Variants in GRIN3A observed in about 807,000 individuals in gnomAD.
GRIN3A encodes glutamate receptor ionotropic, NMDA 3A.
A neutral mutation model predicts 92.4 loss-of-function variants in GRIN3A; 47 were observed. The observed-to-expected ratio is 0.51, with a 90% CI of 0.40 to 0.65. GRIN3A has a LOEUF of 0.65. GRIN3A is among the 30% of genes least tolerant of loss of function. The pLI is 0.00. For missense variants in GRIN3A, 1,324 were observed against 1,393.1 expected (o/e 0.95, Z 0.79); for synonymous variants, 527 against 540.6 (o/e 0.97, Z 0.35).
chr9:101,645,023 T>C (rs896028931), intron 3 of GRIN3A, among the ~76,000 whole-genome samples: 4 of 151,956 alleles, frequency 2.6e-5, no homozygotes, highest in Non-Finnish European at 5.9e-5. Context: ...CCTAATTTTT[T>C]CTTCTAGCTG....
At chr9:101,624,131 G>T (rs557210123) in intron 4 of GRIN3A, among the ~76,000 whole-genome samples, 2 of 152,236 alleles carry the variant, frequency 1.3e-5, no homozygotes, top group African/African-American at 4.8e-5. Flanking sequence ...AGTCTAATTT[G>T]CTTTTATTGT....
In GRIN3A at chr9:101,670,807, G is replaced by A. The variant is rs143230604; in HGVS notation, c.1605C>T (p.Gly535=). 8.7e-6 allele frequency: 14 copies of A among 1,613,918 alleles called. No homozygotes were observed. In the African/African-American group the frequency reaches 1.1e-4, roughly 12 times the overall value. ...GACAGAGTTGGCCAGCAGGGCACAA[G>A]CCTTCATCATCTACCTCCCTTGTGA... ...FVFTREVDDE[G]LCPAGQLCLD... Residue 535 remains glycine, a synonymous_variant, in exon 3 of 9, where the codon GGC becomes GGT. Transcript: ENST00000361820.
At chr9:101,677,630 G>A (rs1346470895) in intron 2 of GRIN3A, among the ~76,000 whole-genome samples, 13 of 151,470 alleles carry the variant, frequency 8.6e-5, no homozygotes, top group Admixed American at 8.6e-4. Flanking sequence ...GAACCTTTCT[G>A]TACTTGATGG....
chr9:101,573,395 G>A lies in GRIN3A; in HGVS notation c.3127C>T (p.His1043Tyr). Residue 1043 changes from histidine to tyrosine, a missense_variant, in exon 9 of 9, where the codon CAC becomes TAC. By Grantham distance (83) the His-to-Tyr change is moderately conservative. Transcript: ENST00000361820. ...EGQNQLGIRI[H>Y]QDIPLPPRRR... ...CTTGGAGGGAGGGGGATGTCCTGGT[G>A]GATCCGGATGCCCAGCTGGTTTTGT... The A allele has an allele frequency of 1.9e-6, 3 of 1,614,050 alleles. No individual in the cohort carries two copies. Among genetic ancestry groups the A allele is most frequent in the Non-Finnish European group, 2.5e-6 (3 of 1,179,976 alleles).
chr9:101,735,887 C>G (rs1666015189), intron 1 of GRIN3A, among the ~76,000 whole-genome samples: 1 of 147,788 alleles, frequency 6.8e-6, no homozygotes, highest in South Asian at 2.1e-4. Flanking sequence ...CTCTACAGAT[C>G]AAATCTCTGT....
intron 3 of GRIN3A, among the ~76,000 whole-genome samples, chr9:101,655,530 T>C (rs1924032): frequency 0.47 from 71,411 of 151,774 alleles, 17,029 homozygotes; most frequent in Middle Eastern, 0.54. Context: ...GTAAGCATTC[T>C]TATCATTGTA....
intron 5 of GRIN3A, among the ~76,000 whole-genome samples, chr9:101,617,753 C>T (rs955052780): frequency 6.8e-6 from 1 of 147,754 alleles, no homozygotes; most frequent in East Asian, 1.9e-4. Flanking sequence ...ACCCACTACT[C>T]GTCATCTAGC....
rs1827778964 is a variant in GRIN3A at position 101,572,931 on chromosome 9, C to T, written c.*243G>A. ...GTTATCTGGTTATTCACAGATCTCT[C>T]GCACAGAGCTTACTCCTGACTAAGA... On this transcript the variant is annotated 3_prime_UTR_variant, in exon 9 of 9. Coordinates refer to ENST00000361820, the MANE Select transcript of GRIN3A (RefSeq NM_133445.3). 1 of 528,110 alleles carries T rather than the reference C, an allele frequency of 1.9e-6. No individual in the cohort carries two copies. Among genetic ancestry groups the T allele is most frequent in the Non-Finnish European group, 3.4e-6 (1 of 291,392 alleles). 32.7% of individuals were successfully genotyped at this position (528,110 alleles called of 1,614,324 possible). A position where few individuals can be genotyped will look rare whatever the true frequency, so the allele number is the denominator to read the frequency against.
chr9:101,729,813 G>A (rs1348125497), intron 1 of GRIN3A, among the ~76,000 whole-genome samples: 1 of 152,114 alleles, frequency 6.6e-6, no homozygotes, highest in African/African-American at 2.4e-5. Context: ...TTAGATGGAA[G>A]ATCAAGATTT....
chr9:101,705,453 A>C (rs962715334), intron 1 of GRIN3A, among the ~76,000 whole-genome samples: 1 of 152,128 alleles, frequency 6.6e-6, no homozygotes, highest in Admixed American at 6.5e-5. Flanking sequence ...ACTGCTCAAT[A>C]AAGTCTCCAC....
chr9:101,688,916 G>T (rs977541457), intron 1 of GRIN3A, among the ~76,000 whole-genome samples: 1 of 152,128 alleles, frequency 6.6e-6, no homozygotes, highest in Non-Finnish European at 1.5e-5. Flanking sequence ...AAGATCAGAT[G>T]TGAGAGGCAA....
At chr9:101,573,564 G>C (rs1426032764) in intron 8 of GRIN3A, 51 bp from the exon 9 acceptor site, 1 of 1,399,630 alleles carries the variant, frequency 7.1e-7, no homozygotes, top group Non-Finnish European at 1.0e-6. Context: ...AGCTCTCAAG[G>C]TGCTGTCTTC....
chr9:101,737,223 C>G, intron 1 of GRIN3A, 58 bp downstream of exon 1: 1 of 1,432,496 alleles, frequency 7.0e-7, no homozygotes. Context: ...TCCCCTCATG[C>G]AATGGCCCCG....
At chr9:101,617,036 T>C (rs547194250) in intron 5 of GRIN3A, among the ~76,000 whole-genome samples, 82 of 150,484 alleles carry the variant, frequency 5.4e-4, no homozygotes, top group Middle Eastern at 3.4e-3. Context: ...CCGTCTCTAC[T>C]AAAAATACAA....
At chr9:101,651,532 G>A (rs1829014703) in intron 3 of GRIN3A, among the ~76,000 whole-genome samples, 1 of 151,788 alleles carries the variant, frequency 6.6e-6, no homozygotes. Flanking sequence ...ATTTTCTGAG[G>A]ATGAGGATTG....
chr9:101,733,463 C>T (rs1436424410), intron 1 of GRIN3A, among the ~76,000 whole-genome samples: 1 of 152,180 alleles, frequency 6.6e-6, no homozygotes, highest in Non-Finnish European at 1.5e-5. Flanking sequence ...AATTGTTTAT[C>T]TTTAAGTCAG....
At chr9:101,594,509 A>T (rs767251662) in intron 6 of GRIN3A, 6 of 1,614,134 alleles carry the variant, frequency 3.7e-6, no homozygotes, top group South Asian at 2.2e-5. Flanking sequence ...GTCCAGGATG[A>T]TGATGGTTTT....
chr9:101,683,847 TGAGAGAGAGAGA>T (rs55960998), intron 2 of GRIN3A, among the ~76,000 whole-genome samples: 25 of 136,294 alleles, frequency 1.8e-4, no homozygotes, highest in Middle Eastern at 3.7e-3. Context: ...AGAGAGACAG[TGAGAGAGAGAGA>T]GAGAGAGAGA....
chr9:101,604,110 G>A (rs59208266), intron 6 of GRIN3A, among the ~76,000 whole-genome samples: 14,991 of 152,132 alleles, frequency 0.099, 917 homozygotes, highest in East Asian at 0.25. Flanking sequence ...GACATGGTAC[G>A]TGGGAATTCA....
Sources: allele counts gnomAD v4.1 joint callset (sites outside exome capture counted in the v4.1 genomes callset), GRCh38; gene constraint gnomAD v4.1.1; transcripts MANE v1.5; gene names NCBI Gene and HGNC (gene_info 2026-07-23, HGNC 2026-07-21).